DYNC2H1: variants seen among roughly 807,000 people sequenced by gnomAD.
The protein encoded by DYNC2H1 is dynein cytoplasmic 2 heavy chain 1.
A neutral mutation model predicts 570.0 loss-of-function variants in DYNC2H1; 410 were observed. The observed-to-expected ratio is 0.72, with a 90% confidence interval of 0.66 to 0.78. DYNC2H1 has a LOEUF of 0.78. Ranked by LOEUF, DYNC2H1 falls within the 30% of genes least tolerant of loss-of-function variation. The pLI is 0.00. For synonymous variants in DYNC2H1, 1,688 were observed against 1,677.6 expected, an observed-to-expected ratio of 1.01 and a Z score of -0.15; for missense variants, 4,865 against 5,046.4, an observed-to-expected ratio of 0.96 and a Z score of 1.09.
At chr11:103,453,430 T>G (rs1181470983) in intron 85 of DYNC2H1, among the ~76,000 whole-genome samples, 1 of 152,006 alleles carries the variant, frequency 6.6e-6, no homozygotes, top group Non-Finnish European at 1.5e-5. Flanking sequence ...CATGCTAAAA[T>G]AATCTTTGTT....
intron 84 of DYNC2H1, chr11:103,402,987 G>T (rs1419003144): frequency 6.6e-6 from 1 of 152,066 alleles, no homozygotes; most frequent in Admixed American, 6.6e-5. Flanking sequence ...TGGGTAGTTG[G>T]TATAAATGAG....
At chr11:103,368,368 T>C (rs1591638832) in intron 83 of DYNC2H1, among the ~76,000 whole-genome samples, 2 of 152,340 alleles carry the variant, frequency 1.3e-5, no homozygotes, top group Middle Eastern at 6.8e-3. Context: ...CATTTTTTCA[T>C]ACATCTGTTG....
intron 60 of DYNC2H1, among the ~76,000 whole-genome samples, chr11:103,232,931 C>A (rs1350276699): frequency 1.3e-5 from 2 of 151,876 alleles, no homozygotes; most frequent in African/African-American, 4.8e-5. Flanking sequence ...TAGTCATATG[C>A]AGTTACTGAG....
chr11:103,291,291 A>G (rs313384), intron 75 of DYNC2H1, among the ~76,000 whole-genome samples: 8,243 of 152,068 alleles, frequency 0.054, 357 homozygotes, highest in East Asian at 0.22. Flanking sequence ...TACAAAAATT[A>G]TCTGGGTGTG....
chr11:103,453,263 C>T (rs1028830501), intron 85 of DYNC2H1, among the ~76,000 whole-genome samples: 3 of 151,918 alleles, frequency 2.0e-5, no homozygotes, highest in Non-Finnish European at 2.9e-5. Context: ...AGTATGCCTA[C>T]GACTTTGTTC....
rs1204842405 is a variant in DYNC2H1, at chr11:103,473,225, A to G, written c.12765+4520A>G. Among the ~76,000 whole-genome samples the G allele has an allele frequency of 5.3e-5, 8 of 152,096 alleles. No homozygotes were observed. The East Asian group carries it at 1.4e-3, about 26-fold the overall frequency. On this transcript the variant is annotated intron_variant, in intron 88 of 88. Transcript: ENST00000375735. Reference sequence around the variant, plus strand: ...TATTTTTCTAGTATTTCTGTTTACCATTATCTATGTACTAAGATAATATAA... The same window carrying G: ...TATTTTTCTAGTATTTCTGTTTACCGTTATCTATGTACTAAGATAATATAA...
intron 88 of DYNC2H1, among the ~76,000 whole-genome samples, chr11:103,478,198 T>G (rs946813458): frequency 2.0e-5 from 3 of 152,198 alleles, no homozygotes; most frequent in Non-Finnish European, 4.4e-5. Flanking sequence ...TTGATCACCT[T>G]TGGAGTGTGC....
chr11:103,163,362 G>A lies in DYNC2H1; in HGVS notation c.4611+215G>A, dbSNP rs1861176723. ...AACCTAGGCCAGTGGTGAGTAGGATGGGGAGGAGGGAATCAGGCATCTAAT... is the reference window on the plus strand; with the variant it reads ...AACCTAGGCCAGTGGTGAGTAGGATAGGGAGGAGGGAATCAGGCATCTAAT... On this transcript the variant is annotated intron_variant, in intron 30 of 88. Coordinates refer to ENST00000375735, the MANE Select transcript of DYNC2H1 (RefSeq NM_001377.3). This position sits in a 1 kb window ranked among gnomAD's most constrained non-coding sequence, Gnocchi z 4.6. 6.6e-6 allele frequency among the ~76,000 whole-genome samples: 1 copy of A among 152,178 alleles called. No homozygotes were observed. Among genetic ancestry groups the A allele is most frequent in the Non-Finnish European group, 1.5e-5 (1 of 68,028 alleles).
chr11:103,126,560 G>GT (rs1859011507), intron 12 of DYNC2H1, among the ~76,000 whole-genome samples: 1 of 151,694 alleles, frequency 6.6e-6, no homozygotes, highest in Non-Finnish European at 1.5e-5. Context: ...GTTTAACAAA[G>GT]TTTTCCCAGT....
chr11:103,414,334 A>G (rs1943200447), intron 84 of DYNC2H1, among the ~76,000 whole-genome samples: 1 of 152,146 alleles, frequency 6.6e-6, no homozygotes, highest in Admixed American at 6.5e-5. Context: ...AAATAAATTC[A>G]CCACTGCTGG....
In DYNC2H1 at chr11:103,156,616, G is replaced by T. The variant is rs1043262932; in HGVS notation, c.3973G>T (p.Val1325Leu). ...SPYYKGFEDK[V>L]SIWERKLAEL... is the part of the protein sequence containing the mutation. ...TTATTATAAAGGATTTGAAGATAAAGTATCAATTTGGGAAAGAAAACTTGC... is the reference window on the plus strand; with the variant it reads ...TTATTATAAAGGATTTGAAGATAAATTATCAATTTGGGAAAGAAAACTTGC... Residue 1325 changes from valine to leucine, a missense_variant, in exon 26 of 89, where the codon GTA becomes TTA. Val to Leu is a conservative substitution (Grantham distance 32). Around this residue, in one of 5 missense-constraint regions of DYNC2H1, gnomAD observed 1,936 missense variants for 1,962.1 expected, o/e 0.99. Transcript: ENST00000375735. 6 of 1,613,644 alleles carry T rather than the reference G, an allele frequency of 3.7e-6. No individual in the cohort carries two copies. The highest frequency in any genetic ancestry group is 2.5e-6 in the Non-Finnish European group (3 of 1,179,710).
rs973644881 is a variant in DYNC2H1 at position 103,244,462 on chromosome 11, C to G, written c.9918+671C>G. ...TTACTTGTAAAATGGGGATATCTAC[C>G]TTATTTTTTGTGTGATAAGAATAAT... On this transcript the variant is annotated intron_variant, in intron 64 of 88. Transcript: ENST00000375735. This position sits in a 1 kb window ranked among gnomAD's most constrained non-coding sequence, Gnocchi z 4.3. Among the ~76,000 whole-genome samples, 2 of 150,116 alleles carry G rather than the reference C, an allele frequency of 1.3e-5. No individual in the cohort carries two copies. Among genetic ancestry groups the G allele is most frequent in the Non-Finnish European group, 3.0e-5 (2 of 67,428 alleles).
chr11:103,251,097 TC>T (rs1406762516), intron 65 of DYNC2H1, among the ~76,000 whole-genome samples: 12 of 152,214 alleles, frequency 7.9e-5, no homozygotes, highest in East Asian at 5.8e-4. Context: ...TTATTTTTTT[TC>T]TTTGCTTTAT....
intron 84 of DYNC2H1, among the ~76,000 whole-genome samples, chr11:103,424,154 T>C (rs548588733): frequency 3.9e-5 from 6 of 152,188 alleles, no homozygotes; most frequent in Non-Finnish European, 8.8e-5. Context: ...GATAAAAATA[T>C]TCTGGAATTA....
chr11:103,462,550 C>A lies in DYNC2H1; in HGVS notation c.12649-6039C>A, dbSNP rs558978981. ...GATTTTTCTAATTTTGTTATTCCTT[C>A]CACATTTATTAGCTAAAATTCTTCT... On this transcript the variant is annotated intron_variant, in intron 87 of 88. Coordinates refer to ENST00000375735, the MANE Select transcript of DYNC2H1 (RefSeq NM_001377.3). Among the ~76,000 whole-genome samples, 3 of 152,226 alleles carry A rather than the reference C, an allele frequency of 2.0e-5. No individual in the cohort carries two copies. In the South Asian group the frequency reaches 6.2e-4, roughly 32 times the overall value.
In DYNC2H1 at chr11:103,268,054, G is replaced by A. The variant is rs1865576338; in HGVS notation, c.10695+8077G>A. On this transcript the variant is annotated intron_variant, in intron 70 of 88. Transcript: ENST00000375735. This position sits in a 1 kb window ranked among gnomAD's most constrained non-coding sequence, Gnocchi z 4.6. ...CATGACTATAGTGAATATCCTATAT[G>A]GTACACTTATTTTTATGTATAGTAT... Among the ~76,000 whole-genome samples, 1 of 151,684 alleles carries A rather than the reference G, an allele frequency of 6.6e-6. No individual in the cohort carries two copies. Among genetic ancestry groups the A allele is most frequent in the Non-Finnish European group, 1.5e-5 (1 of 67,862 alleles).
At chr11:103,311,834 T>C in intron 78 of DYNC2H1, 44 bp from the exon 79 acceptor site, 1 of 1,536,616 alleles carries the variant, frequency 6.5e-7, no homozygotes, top group Non-Finnish European at 8.8e-7. Context: ...TATATTTTAC[T>C]TGTAGGATTT....
chr11:103,192,335 A>G, intron 47 of DYNC2H1, 71 bp downstream of exon 47: 3 of 1,160,476 alleles, frequency 2.6e-6, no homozygotes, highest in Non-Finnish European at 3.4e-6. Flanking sequence ...TACCCAGAGC[A>G]TGATTTTATA....
At chr11:103,441,063 A>C (rs1944251744) in intron 85 of DYNC2H1, among the ~76,000 whole-genome samples, 1 of 152,136 alleles carries the variant, frequency 6.6e-6, no homozygotes, top group South Asian at 2.1e-4. Flanking sequence ...TTGAGTATCA[A>C]AATCCTTACA....
Sources: allele counts gnomAD v4.1 joint callset (sites outside exome capture counted in the v4.1 genomes callset), GRCh38; gene constraint gnomAD v4.1.1; regional missense constraint gnomAD v4.1.1; non-coding constraint Gnocchi (gnomAD v3.1); transcripts MANE v1.5; gene names NCBI Gene and HGNC (gene_info 2026-07-23, HGNC 2026-07-21).